MSRA: variants seen among roughly 807,000 people sequenced by gnomAD.
The protein encoded by MSRA is mitochondrial peptide methionine sulfoxide reductase.
Under a neutral mutation model 31.3 loss-of-function variants are expected in MSRA, and 54 were observed. That is an observed-to-expected ratio of 1.73 (90% CI 1.39 to 2.17). The LOEUF is 2.17. Among genes scored for constraint, MSRA ranks in the 30% most tolerant of loss-of-function variants. The pLI is 0.00. For missense variants in MSRA, 507 were observed against 300.9 expected (o/e 1.69, Z -5.07); for synonymous variants, 169 against 116.5 (o/e 1.45, Z -2.90).
chr8:10,123,410 G>A (rs927404920), intron 1 of MSRA, among the ~76,000 whole-genome samples: 1 of 152,126 alleles, frequency 6.6e-6, no homozygotes, highest in African/African-American at 2.4e-5. Context: ...TTTCTTATTA[G>A]ATACTAGACC....
intron 3 of MSRA, among the ~76,000 whole-genome samples, chr8:10,259,934 T>C (rs1428233727): frequency 6.6e-6 from 1 of 152,230 alleles, no homozygotes; most frequent in Non-Finnish European, 1.5e-5. Context: ...TGTTCTGCTG[T>C]TCACAGTCCT....
intron 3 of MSRA, among the ~76,000 whole-genome samples, chr8:10,260,081 A>G (rs191519048): frequency 3.9e-5 from 6 of 152,380 alleles, no homozygotes; most frequent in East Asian, 1.9e-4. Context: ...TGGACGGGAC[A>G]TAAACACTGC....
intron 4 of MSRA, among the ~76,000 whole-genome samples, chr8:10,310,528 TTG>T (rs1205621536): frequency 3.9e-5 from 6 of 152,240 alleles, no homozygotes; most frequent in Non-Finnish European, 1.5e-5. Context: ...TTACAAGGGT[TTG>T]GTGTCTGCAC....
intron 2 of MSRA, among the ~76,000 whole-genome samples, chr8:10,243,023 C>G (rs896102658): frequency 1.3e-5 from 2 of 152,178 alleles, no homozygotes; most frequent in African/African-American, 2.4e-5. Flanking sequence ...AAATATCTCT[C>G]TACTTGCAGC....
intron 1 of MSRA, among the ~76,000 whole-genome samples, chr8:10,070,480 T>A (rs1452602454): frequency 6.6e-6 from 1 of 152,238 alleles, no homozygotes; most frequent in African/African-American, 2.4e-5. Flanking sequence ...TAATACAAAC[T>A]GTTGTACTCT....
chr8:10,348,024 C>T (rs1353431590), intron 5 of MSRA, among the ~76,000 whole-genome samples: 1 of 152,216 alleles, frequency 6.6e-6, no homozygotes, highest in East Asian at 1.9e-4. Context: ...TGGTAAATAT[C>T]TGTTGAGTAA....
At position 10,428,696 on chromosome 8, in the gene MSRA, C is replaced by G. The variant is rs1164626279; in HGVS notation, c.*384C>G. ...CCGCCAGTGCCTTACAATTTGCAAACGTGTATAGCCTCAGTGACTCATTCG... is the reference window on the plus strand; with the variant it reads ...CCGCCAGTGCCTTACAATTTGCAAAGGTGTATAGCCTCAGTGACTCATTCG... On this transcript the variant is annotated 3_prime_UTR_variant, in exon 6 of 6. Coordinates refer to ENST00000317173, the MANE Select transcript of MSRA (RefSeq NM_012331.5). The G allele has an allele frequency of 4.4e-6, 1 of 229,846 alleles. No homozygotes were observed. The highest frequency in any genetic ancestry group is 8.4e-6 in the Non-Finnish European group (1 of 119,058). 14.2% of individuals were successfully genotyped at this position (229,846 alleles called of 1,614,324 possible). A position where few individuals can be genotyped will look rare whatever the true frequency, so the allele number is the denominator to read the frequency against.
chr8:10,240,991 C>G (rs1812365671), intron 2 of MSRA, among the ~76,000 whole-genome samples: 2 of 152,114 alleles, frequency 1.3e-5, no homozygotes, highest in African/African-American at 4.8e-5. Context: ...CACGCGTGCC[C>G]TCTGGTCCTG....
intron 4 of MSRA, among the ~76,000 whole-genome samples, chr8:10,304,484 C>T (rs1355430894): frequency 6.6e-6 from 1 of 152,190 alleles, no homozygotes; most frequent in Non-Finnish European, 1.5e-5. Context: ...CCCTTAAGTT[C>T]AGAATAACTC....
chr8:10,129,973 A>G (rs1585214392), intron 1 of MSRA, among the ~76,000 whole-genome samples: 1 of 152,176 alleles, frequency 6.6e-6, no homozygotes, highest in African/African-American at 2.4e-5. Context: ...TTAAAGTGTG[A>G]GTTTGTATGT....
chr8:10,323,806 C>G (rs1179448482), intron 5 of MSRA, among the ~76,000 whole-genome samples: 2 of 146,414 alleles, frequency 1.4e-5, no homozygotes, highest in Non-Finnish European at 3.0e-5. Flanking sequence ...GTCTGCATGT[C>G]TATGTGTCTG....
intron 3 of MSRA, among the ~76,000 whole-genome samples, chr8:10,297,344 T>G (rs1345021297): frequency 2.6e-5 from 4 of 152,178 alleles, no homozygotes. Context: ...TTCAAGATAT[T>G]TTTGAACAGC....
intron 5 of MSRA, among the ~76,000 whole-genome samples, chr8:10,344,245 C>T (rs888951679): frequency 8.5e-5 from 13 of 152,114 alleles, no homozygotes; most frequent in South Asian, 2.1e-4. Context: ...CCCATCTGTA[C>T]GGTGATCTCT....
chr8:10,114,498 G>GTTA (rs10568280), intron 1 of MSRA, among the ~76,000 whole-genome samples: 1 of 151,474 alleles, frequency 6.6e-6, no homozygotes, highest in Non-Finnish European at 1.5e-5. Flanking sequence ...GCCAACACTT[G>GTTA]TTATTATTAT....
At chr8:10,120,641 G>A (rs191629417) in intron 1 of MSRA, among the ~76,000 whole-genome samples, 1 of 152,346 alleles carries the variant, frequency 6.6e-6, no homozygotes, top group Admixed American at 6.5e-5. Context: ...ATACCCAGAT[G>A]AGAAGGCATG....
intron 1 of MSRA, among the ~76,000 whole-genome samples, chr8:10,115,950 C>T (rs983482667): frequency 6.6e-6 from 1 of 152,180 alleles, no homozygotes; most frequent in Admixed American, 6.5e-5. Context: ...ACCATAGGGC[C>T]AGAATAGTTG....
chr8:10,339,596 C>T (rs1214924555), intron 5 of MSRA, among the ~76,000 whole-genome samples: 1 of 125,404 alleles, frequency 8.0e-6, no homozygotes, highest in Non-Finnish European at 1.5e-5. Flanking sequence ...GGCTGGAGTG[C>T]AGTGATGCGA....
intron 5 of MSRA, among the ~76,000 whole-genome samples, chr8:10,401,096 C>T (rs1415161007): frequency 2.3e-5 from 1 of 44,236 alleles, no homozygotes; most frequent in Non-Finnish European, 6.8e-5. Context: ...TGGACACTAT[C>T]AAGAATATAA....
chr8:10,411,021 A>T (rs1426370210), intron 5 of MSRA: 2 of 150,922 alleles, frequency 1.3e-5, no homozygotes, highest in Admixed American at 1.3e-4. Flanking sequence ...CCTCCTTTCA[A>T]AAAAAAAATC....
Sources: gnomAD v4.1 joint callset for allele counts (sites outside exome capture counted in the v4.1 genomes callset) on GRCh38, gnomAD v4.1.1 for gene constraint, MANE v1.5 for transcripts, NCBI Gene and HGNC (gene_info 2026-07-23, HGNC 2026-07-21) for gene names.